LDB3: variants seen among roughly 807,000 people sequenced by gnomAD.
LDB3 encodes the protein LIM domain-binding protein 3.
LDB3 carries 49 observed loss-of-function variants against 69.0 expected under a neutral mutation model. The observed-to-expected ratio is 0.71, with a 90% confidence interval of 0.56 to 0.90. The LOEUF (loss-of-function observed/expected upper bound fraction) is 0.90. LDB3 is among the 40% of genes least tolerant of loss of function. The pLI, the probability that LDB3 is intolerant of heterozygous loss-of-function variation, is 0.00. For synonymous variants in LDB3, 387 were observed against 396.2 expected (o/e 0.98, Z 0.28); for missense variants, 928 against 974.1 (o/e 0.95, Z 0.63).
chr10:86,672,116 T>C (rs930615355), intron 2 of LDB3, among the ~76,000 whole-genome samples: 13 of 151,934 alleles, frequency 8.6e-5, no homozygotes, highest in Non-Finnish European at 1.6e-4. Flanking sequence ...ATCTTAAAAA[T>C]AAATAAATAA....
intron 9 of LDB3, among the ~76,000 whole-genome samples, chr10:86,711,631 G>C (rs1358077850): frequency 1.3e-5 from 2 of 151,822 alleles, no homozygotes; most frequent in African/African-American, 4.8e-5. Context: ...CGCGGGACCC[G>C]GAGCGCCGCG....
intron 12 of LDB3, among the ~76,000 whole-genome samples, chr10:86,723,215 A>G (rs1349027220): frequency 6.8e-6 from 1 of 146,916 alleles, no homozygotes; most frequent in African/African-American, 2.5e-5. Context: ...GGTTGCAGTG[A>G]ACTGTGACCA....
intron 13 of LDB3, among the ~76,000 whole-genome samples, chr10:86,727,432 A>G (rs1365894362): frequency 1.3e-5 from 2 of 152,180 alleles, no homozygotes; most frequent in African/African-American, 4.8e-5. Context: ...AATAATTTTT[A>G]TAGACTTCTG....
chr10:86,707,540 C>T (rs376481691), intron 8 of LDB3, among the ~76,000 whole-genome samples: 112 of 152,206 alleles, frequency 7.4e-4, no homozygotes, highest in Non-Finnish European at 1.2e-3. Flanking sequence ...GGCCATGTGG[C>T]GCATCAGGCT....
intron 5 of LDB3, among the ~76,000 whole-genome samples, chr10:86,685,145 G>C (rs1021618271): frequency 6.6e-6 from 1 of 152,024 alleles, no homozygotes; most frequent in Admixed American, 6.6e-5. Context: ...GGTCAGGTTT[G>C]GGGGGGCATA....
At chr10:86,688,011 C>T (rs976069262) in intron 5 of LDB3, among the ~76,000 whole-genome samples, 1 of 151,636 alleles carries the variant, frequency 6.6e-6, no homozygotes, top group Non-Finnish European at 1.5e-5. Flanking sequence ...CTGTCTTCCT[C>T]CTTGTTGCTT....
chr10:86,708,128 C>T (rs952335031), intron 8 of LDB3, among the ~76,000 whole-genome samples: 2 of 152,230 alleles, frequency 1.3e-5, no homozygotes, highest in African/African-American at 2.4e-5. Context: ...GGCCTGCCCA[C>T]GGCTGAGCTC....
chr10:86,698,687 G>A (rs1435338311), intron 7 of LDB3, among the ~76,000 whole-genome samples: 2 of 152,204 alleles, frequency 1.3e-5, no homozygotes, highest in Non-Finnish European at 2.9e-5. Context: ...GCTGTGCTCA[G>A]GCCTGGCGAG....
At chr10:86,684,993 T>C (rs1845381835) in intron 5 of LDB3, among the ~76,000 whole-genome samples, 1 of 152,314 alleles carries the variant, frequency 6.6e-6, no homozygotes, top group South Asian at 2.1e-4. Flanking sequence ...CACTTCTCCC[T>C]GCGCCTGCTC....
At chr10:86,690,645 G>T (rs1845711872) in intron 5 of LDB3, among the ~76,000 whole-genome samples, 1 of 152,244 alleles carries the variant, frequency 6.6e-6, no homozygotes, top group Non-Finnish European at 1.5e-5. Context: ...TGCAGGGAGG[G>T]TATAAGACAT....
chr10:86,681,859 T>C, intron 5 of LDB3, 56 bp downstream of exon 5: 3 of 1,513,584 alleles, frequency 2.0e-6, no homozygotes, highest in Non-Finnish European at 1.8e-6. Flanking sequence ...GGGTCCTCGG[T>C]GCTCGGCAGA....
chr10:86,706,840 C>T, intron 8 of LDB3, 121 bp downstream of exon 8: 1 of 1,037,840 alleles, frequency 9.6e-7, no homozygotes. Flanking sequence ...CTAGAGGAAG[C>T]CAAGGCCAGC....
chr10:86,712,894 C>T (rs1846720042), intron 9 of LDB3, among the ~76,000 whole-genome samples: 1 of 152,002 alleles, frequency 6.6e-6, no homozygotes, highest in Non-Finnish European at 1.5e-5. Flanking sequence ...CCCGTCTCTA[C>T]TAAAAAAGTA....
intron 5 of LDB3, chr10:86,687,194 C>A: frequency 6.2e-7 from 1 of 1,614,220 alleles, no homozygotes. Context: ...TACAACACGC[C>A]CATCAGCATG....
In LDB3 at chr10:86,732,902, C is replaced by A; in HGVS notation, c.2110C>A (p.Leu704Met). Residue 704 changes from leucine to methionine, a missense_variant, in exon 14 of 14, where the codon CTG becomes ATG. By Grantham distance (15) the Leu-to-Met change is conservative. Transcript: ENST00000361373. ...CFICAVCHVN[L>M]EGQPFYSKKD... is the part of the protein sequence containing the mutation. ...TCTGCTCCAGGTCTGCCATGTGAAT[C>A]TGGAGGGGCAGCCGTTCTACTCCAA... 2.5e-6 allele frequency: 4 copies of A among 1,613,772 alleles called. No individual in the cohort carries two copies. The highest frequency in any genetic ancestry group is 3.4e-6 in the Non-Finnish European group (4 of 1,179,844).
chr10:86,720,154 A>G (rs1847023482), intron 12 of LDB3, among the ~76,000 whole-genome samples: 1 of 152,226 alleles, frequency 6.6e-6, no homozygotes, highest in South Asian at 2.1e-4. Flanking sequence ...ATTAGAAAAT[A>G]AACGTTTTGG....
At position 86,736,003 on chromosome 10, in the gene LDB3, T is replaced by G. The variant is rs998034100; in HGVS notation, c.*3027T>G. 6.9e-6 allele frequency: 1 copy of G among 143,908 alleles called. No individual in the cohort carries two copies. The highest frequency in any genetic ancestry group is 2.5e-5 in the African/African-American group (1 of 39,302). The allele number at this position is 143,908 out of a possible 1,614,324, so 8.9% of individuals were successfully genotyped here. A position where few individuals can be genotyped will look rare whatever the true frequency, so the allele number is the denominator to read the frequency against. On this transcript the variant is annotated 3_prime_UTR_variant, in exon 14 of 14. Transcript: ENST00000361373. ...TGTGCACAAAAATATTTTGCATGTG[T>G]TTTTTTTTTTGCCTGTGTGAATTCT...
rs150209221 is a variant in LDB3 at position 86,706,648 on chromosome 10, A to G, written c.1014A>G (p.Thr338=). 7.3e-4 allele frequency: 1,183 copies of G among 1,613,100 alleles called. 10 individuals are homozygous for G. The African/African-American group carries it at 0.014, about 19-fold the overall frequency. The change falls in exon 8 of 14, where the codon ACA becomes ACG. Residue 338 remains threonine, a synonymous_variant. Coordinates refer to ENST00000361373, the MANE Select transcript of LDB3 (RefSeq NM_007078.3). ...GTGCGGCTTCGCCACCCCTGGCCAC[A>G]GCTGCTGCCCACACTGCCATCGCCT... is the stretch of plus-strand genomic sequence containing the variant. ...SPSAASPPLA[T]AAAHTAIASA...
At chr10:86,701,100 C>T (rs1260038884) in intron 7 of LDB3, among the ~76,000 whole-genome samples, 2 of 152,242 alleles carry the variant, frequency 1.3e-5, no homozygotes, top group Non-Finnish European at 2.9e-5. Flanking sequence ...CTAAAGCCCC[C>T]TGCCAACCTA....
Sources: allele counts gnomAD v4.1 joint callset (sites outside exome capture counted in the v4.1 genomes callset), GRCh38; gene constraint gnomAD v4.1.1; transcripts MANE v1.5; gene names NCBI Gene and HGNC (gene_info 2026-07-23, HGNC 2026-07-21).